Variants in RANBP2 observed in about 807,000 individuals in gnomAD.
RANBP2 encodes RAN binding protein 2.
In RANBP2, 57 loss-of-function variants were observed where a neutral mutation model predicts 303.6. The ratio of observed to expected loss-of-function variants is 0.19; its 90% confidence interval spans 0.15 to 0.23. The LOEUF (loss-of-function observed/expected upper bound fraction) is 0.23, where lower values mean the gene tolerates loss of function less well. Among genes scored for constraint, RANBP2 ranks in the 10% least tolerant of loss-of-function variants. The probability of loss-of-function intolerance (pLI) is 1.00; values close to 1 mark genes in which losing one functional copy is unlikely to be tolerated. For missense variants in RANBP2, 3,138 were observed against 3,780.8 expected (o/e 0.83, Z 4.46); for synonymous variants, 1,167 against 1,301.5 (o/e 0.90, Z 2.23).
the RANBP2 span, among the ~76,000 whole-genome samples, chr2:109,550,568 C>T: frequency 6.6e-6 from 1 of 152,092 alleles, no homozygotes; most frequent in Non-Finnish European, 1.5e-5. Context: ...CCCACCTCGG[C>T]CTCCCGAAGT....
At chr2:108,997,847 C>T in the RANBP2 span, among the ~76,000 whole-genome samples, 1 of 152,092 alleles carries the variant, frequency 6.6e-6, no homozygotes, top group African/African-American at 2.4e-5. Flanking sequence ...GCCGAGATCG[C>T]GCCACTGCAC....
the RANBP2 span, among the ~76,000 whole-genome samples, chr2:108,835,463 A>G: frequency 1.3e-5 from 2 of 152,236 alleles, no homozygotes; most frequent in Non-Finnish European, 2.9e-5. Flanking sequence ...CCCCCAGAGC[A>G]AATGAAATTC....
downstream of RANBP2, among the ~76,000 whole-genome samples, chr2:108,789,298 A>G (rs1405098774): frequency 2.6e-5 from 4 of 152,172 alleles, no homozygotes; most frequent in Non-Finnish European, 5.9e-5. Context: ...TTTTTTTTAG[A>G]AAAGGAACTA....
At chr2:109,340,422 C>G in the RANBP2 span, among the ~76,000 whole-genome samples, 1 of 152,136 alleles carries the variant, frequency 6.6e-6, no homozygotes, top group Non-Finnish European at 1.5e-5. Context: ...ATACCTCAAC[C>G]CTGAGGGTGA....
chr2:109,422,651 G>A, the RANBP2 span, among the ~76,000 whole-genome samples: 1 of 152,302 alleles, frequency 6.6e-6, no homozygotes, highest in East Asian at 1.9e-4. Context: ...CAGACCTGCT[G>A]TGATTTGGGA....
the RANBP2 span, among the ~76,000 whole-genome samples, chr2:109,064,644 G>T: frequency 2.0e-5 from 3 of 152,070 alleles, no homozygotes; most frequent in Non-Finnish European, 4.4e-5. Flanking sequence ...GATTTCTTCT[G>T]TTTAAAAAGT....
In RANBP2 at chr2:108,735,668, T is replaced by G. The variant is rs1231915444; in HGVS notation, c.542T>G (p.Leu181Trp). Reference protein sequence around the residue: ...LVEVYRSTKRLKDAVAHCHEA... With the variant: ...LVEVYRSTKRWKDAVAHCHEA... ...GAGGTGTATCGCTCAACTAAAAGAT[T>G]GAAGGATGCTGTGGCCCACTGCCAT... Residue 181 changes from leucine to tryptophan, a missense_variant, in exon 5 of 29, where the codon TTG (leucine) becomes TGG (tryptophan). Transcript: ENST00000283195. The G allele has an allele frequency of 3.1e-6, 5 of 1,597,452 alleles. No homozygotes were observed. In the Admixed American group the frequency reaches 8.3e-5, roughly 27 times the overall value.
the RANBP2 span, among the ~76,000 whole-genome samples, chr2:109,049,992 G>A: frequency 6.6e-6 from 1 of 152,200 alleles, no homozygotes; most frequent in Non-Finnish European, 1.5e-5. Flanking sequence ...GTATTTGTGT[G>A]TGGAAGTGTG....
chr2:109,556,328 T>G, the RANBP2 span, among the ~76,000 whole-genome samples: 1 of 152,254 alleles, frequency 6.6e-6, no homozygotes, highest in East Asian at 1.9e-4. Context: ...AAATTTCTAT[T>G]GCTTATAAAA....
chr2:109,449,226 C>T, the RANBP2 span: 49 of 1,613,342 alleles, frequency 3.0e-5, no homozygotes, highest in Admixed American at 3.3e-4. Context: ...GTCACCCCTG[C>T]GCACCCAGAA....
At chr2:109,667,269 A>T in the RANBP2 span, 2 of 759,444 alleles carry the variant, frequency 2.6e-6, no homozygotes, top group Non-Finnish European at 4.6e-6. Context: ...GAGACCAACC[A>T]TCATAAGCAA....
the RANBP2 span, among the ~76,000 whole-genome samples, chr2:109,251,871 G>A: frequency 6.6e-6 from 1 of 152,034 alleles, no homozygotes; most frequent in Admixed American, 6.6e-5. Context: ...GTTTTAAGAG[G>A]ATGGGTTCCA....
chr2:109,021,740 G>C, the RANBP2 span, among the ~76,000 whole-genome samples: 1 of 152,076 alleles, frequency 6.6e-6, no homozygotes, highest in East Asian at 1.9e-4. Flanking sequence ...GGGCCACAGG[G>C]TGTGGAGGGA....
chr2:109,312,912 C>T, the RANBP2 span, among the ~76,000 whole-genome samples: 1 of 152,122 alleles, frequency 6.6e-6, no homozygotes, highest in Non-Finnish European at 1.5e-5. Context: ...GTCACGTGGT[C>T]ATCCTAGGTG....
At chr2:109,188,534 A>G in the RANBP2 span, among the ~76,000 whole-genome samples, 1 of 152,120 alleles carries the variant, frequency 6.6e-6, no homozygotes, top group Non-Finnish European at 1.5e-5. Flanking sequence ...ACGTTCAGAG[A>G]AGCGGCATCC....
the RANBP2 span, among the ~76,000 whole-genome samples, chr2:108,909,650 CTGA>C: frequency 1.3e-5 from 2 of 152,214 alleles, no homozygotes; most frequent in Non-Finnish European, 2.9e-5. Context: ...TGGCTGGGAG[CTGA>C]TGCTGTGGGG....
chr2:109,238,490 TGTGTGTGTGAGA>T, the RANBP2 span, among the ~76,000 whole-genome samples: 350 of 126,086 alleles, frequency 2.8e-3, 1 homozygote, highest in African/African-American at 0.011. Context: ...TGTGTGTGTG[TGTGTGTGTGAGA>T]GTGAGACAGA....
chr2:108,960,731 T>TTGA, the RANBP2 span, among the ~76,000 whole-genome samples: 1 of 152,268 alleles, frequency 6.6e-6, no homozygotes, highest in Admixed American at 6.5e-5. Context: ...TATTGAGATT[T>TTGA]TGATATATTT....
rs1676189155 is a variant in RANBP2 at position 108,755,023 on chromosome 2, A to G, written c.2321A>G (p.Glu774Gly). 6.2e-7 allele frequency: 1 copy of G among 1,611,946 alleles called. No individual in the cohort carries two copies. ...GGTTCTTTGCGAAATGCAGATTCAG[A>G]AATAAAACATTCTACACCGTCTCCT... The part of the protein sequence containing the change: ...KNGSLRNADS[E>G]IKHSTPSPTR... The change falls in exon 16 of 29, where the codon GAA (glutamate) becomes GGA (glycine). Residue 774 changes from glutamate (E) to glycine (G), a missense_variant. Physicochemically the swap from Glu to Gly is moderately conservative, Grantham distance 98. Coordinates refer to ENST00000283195, the MANE Select transcript of RANBP2 (RefSeq NM_006267.5).
Sources: gnomAD v4.1 joint callset for allele counts (sites outside exome capture counted in the v4.1 genomes callset) on GRCh38, gnomAD v4.1.1 for gene constraint, MANE v1.5 for transcripts, NCBI Gene and HGNC (gene_info 2026-07-23, HGNC 2026-07-21) for gene names.